The following FARP2 variants were observed in gnomAD, a reference collection of about 807,000 sequenced individuals.
FARP2 encodes the protein FERM, ARH/RhoGEF and pleckstrin domain protein 2.
FARP2 carries 111 observed loss-of-function variants against 130.5 expected under a neutral mutation model. That is an observed-to-expected ratio of 0.85 (90% CI 0.73 to 1.00). The LOEUF is 1.00. FARP2 is among the 50% of genes least tolerant of loss of function. The probability of loss-of-function intolerance (pLI) is 0.00; values close to 1 mark genes in which losing one functional copy is unlikely to be tolerated. For synonymous variants in FARP2, 504 were observed against 516.9 expected (o/e 0.98, Z 0.34); for missense variants, 1,385 against 1,346.3 (o/e 1.03, Z -0.45).
Position 241,373,310 on chromosome 2 carries a change from G to T in FARP2, c.183+20G>T. ...ATTGAGGTAAGAAGCATGATTTTTG[G>T]AGGCATATTTCCTTATATCTTCTAA... On this transcript the variant is annotated intron_variant, in intron 2 of 26. Transcript: ENST00000264042. 7.3e-7 allele frequency: 1 copy of T among 1,370,138 alleles called. No individual in the cohort carries two copies. Among genetic ancestry groups the T allele is most frequent in the South Asian group, 2.0e-5 (1 of 50,338 alleles). The allele number at this position is 1,370,138 out of a possible 1,614,324, so 84.9% of individuals were successfully genotyped here. A position where few individuals can be genotyped will look rare whatever the true frequency, so the allele number is the denominator to read the frequency against.
chr2:241,447,070 A>T (rs2063530152), intron 13 of FARP2: 1 of 152,218 alleles, frequency 6.6e-6, no homozygotes, highest in Non-Finnish European at 1.5e-5. Flanking sequence ...ATTGCCATTT[A>T]TAAATTTGCA....
At chr2:241,400,915 G>A (rs2062150156) in intron 2 of FARP2, among the ~76,000 whole-genome samples, 2 of 152,120 alleles carry the variant, frequency 1.3e-5, no homozygotes, top group Admixed American at 1.3e-4. Flanking sequence ...CCCTGGTCTG[G>A]CTGCATTCTC....
At position 241,475,757 on chromosome 2, in the gene FARP2, A is replaced by T; in HGVS notation, c.2132-100A>T. 1 of 1,100,716 alleles carries T rather than the reference A, an allele frequency of 9.1e-7. No individual in the cohort carries two copies. Among genetic ancestry groups the T allele is most frequent in the East Asian group, 3.0e-5 (1 of 33,640 alleles). The allele number at this position is 1,100,716 out of a possible 1,614,324, so 68.2% of individuals were successfully genotyped here. ...CGAGTAGGATGTACCTCTAATTAGA[A>T]CTGCCTTTTAGAATGCTGGTTCCTG... On this transcript the variant is annotated intron_variant, in intron 18 of 26. Coordinates refer to ENST00000264042, the MANE Select transcript of FARP2 (RefSeq NM_014808.4). This position sits in a 1 kb window ranked among gnomAD's most constrained non-coding sequence, Gnocchi z 4.4.
At chr2:241,441,957 T>C (rs2063395153) in intron 13 of FARP2, 1 of 364,988 alleles carries the variant, frequency 2.7e-6, no homozygotes, top group Admixed American at 3.9e-5. Context: ...CAGGGTCTGC[T>C]CGGTCCAGCC....
rs1474150714 is a variant in FARP2 at position 241,462,621 on chromosome 2, G to A, written c.1677+9G>A. ...TAGAAGTTATTACCGTGGTACGAAAGTCCTTGATTACTTTGATTTTTTTTT... is the reference window on the plus strand; with the variant it reads ...TAGAAGTTATTACCGTGGTACGAAAATCCTTGATTACTTTGATTTTTTTTT... On this transcript the variant is annotated intron_variant, in intron 15 of 26. Transcript: ENST00000264042. The A allele has an allele frequency of 1.3e-6, 2 of 1,545,792 alleles. No individual in the cohort carries two copies. The highest frequency in any genetic ancestry group is 2.2e-5 in the East Asian group (1 of 44,558).
At chr2:241,369,414 C>G (rs972948344) in intron 1 of FARP2, among the ~76,000 whole-genome samples, 3 of 152,068 alleles carry the variant, frequency 2.0e-5, no homozygotes, top group African/African-American at 7.3e-5. Flanking sequence ...TGTGTTCCAT[C>G]CCAGTGACAG....
chr2:241,493,589 A>T, intron 26 of FARP2, 145 bp downstream of exon 26: 1 of 686,146 alleles, frequency 1.5e-6, no homozygotes, highest in Non-Finnish European at 2.4e-6. Context: ...AAAAAACAGC[A>T]ATGCTTTGTT....
intron 2 of FARP2, among the ~76,000 whole-genome samples, chr2:241,380,644 G>T (rs535923822): frequency 4.6e-5 from 7 of 151,232 alleles, no homozygotes; most frequent in Non-Finnish European, 1.0e-4. Context: ...AAAATTTTTT[G>T]AATTTTGGAG....
At position 241,493,004 on chromosome 2, in the gene FARP2, A is replaced by AACTT. The variant is rs747951368; in HGVS notation, c.2864_2867dup (p.Phe956LeufsTer13). The AACTT allele has an allele frequency of 2.5e-6, 4 of 1,609,710 alleles. No individual in the cohort carries two copies. The East Asian group carries it at 6.7e-5, about 27-fold the overall frequency. On this transcript the variant is annotated frameshift_variant, in exon 25 of 27. Transcript: ENST00000264042. LOFTEE classifies it high-confidence loss of function. ...GCAGAAGCTCTGGGTCGTCTTTACCAACTTCTGTTTGTTCTTCTACAAAAC... is the reference window on the plus strand; with the variant it reads ...GCAGAAGCTCTGGGTCGTCTTTACCAACTTACTTCTGTTTGTTCTTCTACAAAAC...
chr2:241,466,073 G>C (rs566760897), intron 17 of FARP2: 1 of 1,147,908 alleles, frequency 8.7e-7, no homozygotes, highest in East Asian at 5.1e-5. Flanking sequence ...AAAACAAAGG[G>C]ATTTGATATT....
intron 2 of FARP2, among the ~76,000 whole-genome samples, chr2:241,399,982 A>G (rs2062126249): frequency 6.6e-6 from 1 of 150,978 alleles, no homozygotes; most frequent in African/African-American, 2.4e-5. Context: ...ACAAATACCC[A>G]TATAACTGTG....
chr2:241,382,388 A>G (rs1185441349), intron 2 of FARP2, among the ~76,000 whole-genome samples: 2 of 148,262 alleles, frequency 1.3e-5, no homozygotes, highest in African/African-American at 5.0e-5. Context: ...GGCTCAAGCG[A>G]TCCTCACACC....
chr2:241,424,920 A>G (rs2062894034), intron 8 of FARP2, among the ~76,000 whole-genome samples: 1 of 152,170 alleles, frequency 6.6e-6, no homozygotes, highest in Admixed American at 6.5e-5. Flanking sequence ...TAAAAACCCT[A>G]GATGAGGGCT....
At chr2:241,481,358 C>A (rs1272750066) in intron 19 of FARP2, among the ~76,000 whole-genome samples, 3 of 152,198 alleles carry the variant, frequency 2.0e-5, no homozygotes, top group Non-Finnish European at 4.4e-5. Flanking sequence ...ATACTCTCAA[C>A]ATAAAAAATT....
intron 2 of FARP2, among the ~76,000 whole-genome samples, chr2:241,375,764 T>C (rs2061520944): frequency 6.9e-6 from 1 of 145,872 alleles, no homozygotes; most frequent in East Asian, 2.0e-4. Context: ...GATGGGGTAC[T>C]TTTTTTTTTT....
chr2:241,453,635 G>A (rs932660140), intron 13 of FARP2, among the ~76,000 whole-genome samples: 3 of 150,300 alleles, frequency 2.0e-5, no homozygotes, highest in Non-Finnish European at 4.5e-5. Flanking sequence ...AAAAAAAAAA[G>A]TATTTATAAT....
At chr2:241,466,494 C>T (rs1402454788) in intron 17 of FARP2, 18 of 985,336 alleles carry the variant, frequency 1.8e-5, no homozygotes, top group Non-Finnish European at 2.2e-5. Context: ...TGTCCCTTGG[C>T]CCGGCCCTGC....
Position 241,373,212 on chromosome 2 carries a change from C to T in FARP2, c.105C>T (p.Leu35=). Residue 35 remains leucine (L), a synonymous_variant, in exon 2 of 27, where the codon CTC becomes CTT. Coordinates refer to ENST00000264042, the MANE Select transcript of FARP2 (RefSeq NM_014808.4). ...GVSTLEPGQT[L]LPRMQEKHLH... ...GCACCCTTGAGCCTGGGCAGACTCT[C>T]TTGCCCAGAATGCAAGAGAAGCACC... The T allele has an allele frequency of 6.3e-7, 1 of 1,575,886 alleles. No individual in the cohort carries two copies.
intron 26 of FARP2, 68 bp downstream of exon 26, chr2:241,493,512 C>A: frequency 2.0e-6 from 3 of 1,510,590 alleles, no homozygotes; most frequent in Non-Finnish European, 2.8e-6. Flanking sequence ...CATTTCTACT[C>A]ATGGTGGTGG....
Sources: gnomAD v4.1 joint callset for allele counts (sites outside exome capture counted in the v4.1 genomes callset) on GRCh38, gnomAD v4.1.1 for gene constraint, Gnocchi (gnomAD v3.1) non-coding constraint, MANE v1.5 for transcripts, NCBI Gene and HGNC (gene_info 2026-07-23, HGNC 2026-07-21) for gene names.